The following MTPN variants were observed in gnomAD, a reference collection of about 807,000 sequenced individuals.
MTPN encodes the protein granule cell differentiation protein.
A neutral mutation model predicts 13.5 loss-of-function variants in MTPN; 2 were observed. The ratio of observed to expected loss-of-function variants is 0.15; its 90% CI spans 0.06 to 0.47. The LOEUF is 0.47. MTPN is among the 20% of genes least tolerant of loss of function. The pLI is 0.97. For synonymous variants in MTPN, 46 were observed against 51.7 expected, an observed-to-expected ratio of 0.89 and a Z score of 0.48; for missense variants, 79 against 137.9, an observed-to-expected ratio of 0.57 and a Z score of 2.14.
intron 3 of MTPN, among the ~76,000 whole-genome samples, chr7:135,948,538 C>T (rs1799317725): frequency 1.3e-5 from 2 of 152,108 alleles, no homozygotes; most frequent in South Asian, 4.1e-4. Flanking sequence ...AGAGAACCTT[C>T]TGGGATGACA....
intron 3 of MTPN, among the ~76,000 whole-genome samples, chr7:135,930,881 C>A (rs1349304337): frequency 6.6e-6 from 1 of 152,114 alleles, no homozygotes; most frequent in Non-Finnish European, 1.5e-5. Context: ...TTATTCACCA[C>A]ACATTCTCTA....
At chr7:135,957,427 T>C (rs942723293) in intron 1 of MTPN, among the ~76,000 whole-genome samples, 1 of 152,118 alleles carries the variant, frequency 6.6e-6, no homozygotes. Flanking sequence ...TAAGATTACA[T>C]TCTGGCAACC....
At chr7:135,940,891 A>T (rs1175795331) in intron 3 of MTPN, among the ~76,000 whole-genome samples, 2 of 152,210 alleles carry the variant, frequency 1.3e-5, no homozygotes, top group Non-Finnish European at 2.9e-5. Context: ...CCATTCTGTG[A>T]ATCTTTACTG....
At chr7:135,966,547 C>CAA (rs34046629) in intron 1 of MTPN, among the ~76,000 whole-genome samples, 5 of 146,880 alleles carry the variant, frequency 3.4e-5, no homozygotes, top group South Asian at 2.1e-4. Context: ...ATCACAACGT[C>CAA]AAAAAAAAAA....
chr7:135,927,322 C>T lies in MTPN; in HGVS notation c.*2604G>A, dbSNP rs1798935568. 2 of 1,550,778 alleles carry T rather than the reference C, an allele frequency of 1.3e-6. No individual in the cohort carries two copies. Among genetic ancestry groups the T allele is most frequent in the Non-Finnish European group, 8.7e-7 (1 of 1,146,672 alleles). On this transcript the variant is annotated 3_prime_UTR_variant, in exon 4 of 4. Transcript: ENST00000393085. ...AAGAACTACTTGGGATATTCAAGTG[C>T]TGTATTTGAACGATAAGCCTATAGA...
chr7:135,954,503 C>T (rs962160137), intron 1 of MTPN, among the ~76,000 whole-genome samples: 23 of 152,042 alleles, frequency 1.5e-4, no homozygotes, highest in Non-Finnish European at 5.9e-5. Flanking sequence ...ATTAGTTTGC[C>T]CCCCATTATT....
chr7:135,957,163 A>G (rs1799453893), intron 1 of MTPN, among the ~76,000 whole-genome samples: 1 of 152,236 alleles, frequency 6.6e-6, no homozygotes. Flanking sequence ...GGTATATTCC[A>G]TATATGTAAT....
chr7:135,933,092 C>A, intron 3 of MTPN, among the ~76,000 whole-genome samples: 2 of 106,294 alleles, frequency 1.9e-5, no homozygotes, highest in Non-Finnish European at 1.7e-5. Flanking sequence ...AAGACTCACT[C>A]AGCCTCAAAA....
Position 135,926,832 on chromosome 7 carries a change from G to A in MTPN, c.*3094C>T, listed in dbSNP as rs898688390. 1.3e-5 allele frequency: 2 copies of A among 152,668 alleles called. No individual in the cohort carries two copies. Among genetic ancestry groups the A allele is most frequent in the African/African-American group, 2.4e-5 (1 of 41,386 alleles). The allele number at this position is 152,668 out of a possible 1,614,324, so 9.5% of individuals were successfully genotyped here. On this transcript the variant is annotated 3_prime_UTR_variant, in exon 4 of 4. Coordinates refer to ENST00000393085, the MANE Select transcript of MTPN (RefSeq NM_145808.4). ...TAAAACACAGTATTATTTAGCATTC[G>A]GATGTACATGAACTAGGATACTTAT...
chr7:135,971,747 CT>C (rs1200904364), intron 1 of MTPN, among the ~76,000 whole-genome samples: 6 of 152,108 alleles, frequency 3.9e-5, no homozygotes, highest in Admixed American at 3.9e-4. Context: ...AATAAACATA[CT>C]TTTTTCAAAA....
At chr7:135,933,256 A>ATAAC (rs1365449704) in intron 3 of MTPN, among the ~76,000 whole-genome samples, 3 of 152,138 alleles carry the variant, frequency 2.0e-5, no homozygotes, top group African/African-American at 7.2e-5. Flanking sequence ...TATTTGAGCT[A>ATAAC]TAACTTTAGA....
rs1438776478 is a variant in MTPN at position 135,930,026 on chromosome 7, G to A, written c.271-14C>T. ...CTTATCAGCACCCTGGAAAAGAGAGGAAAGGGCTCATTAAATGAGCCCACA... is the reference window on the plus strand; with the variant it reads ...CTTATCAGCACCCTGGAAAAGAGAGAAAAGGGCTCATTAAATGAGCCCACA... On this transcript the variant is annotated splice_polypyrimidine_tract_variant and intron_variant, in intron 3 of 3. Transcript: ENST00000393085. 2 of 1,501,656 alleles carry A rather than the reference G, an allele frequency of 1.3e-6. No individual in the cohort carries two copies. Among genetic ancestry groups the A allele is most frequent in the Non-Finnish European group, 1.8e-6 (2 of 1,104,040 alleles). The allele number at this position is 1,501,656 out of a possible 1,614,324, so 93.0% of individuals were successfully genotyped here.
intron 1 of MTPN, among the ~76,000 whole-genome samples, chr7:135,976,727 C>A (rs1358222807): frequency 6.6e-6 from 1 of 151,996 alleles, no homozygotes. Flanking sequence ...ATGATCAGTG[C>A]GCAGAAGAAA....
At chr7:135,958,965 T>C (rs1799483840) in intron 1 of MTPN, among the ~76,000 whole-genome samples, 1 of 152,172 alleles carries the variant, frequency 6.6e-6, no homozygotes, top group African/African-American at 2.4e-5. Context: ...GATCCCCTGA[T>C]AAGTGTTATA....
chr7:135,976,946 CGCAGTCCAGCT>C, intron 1 of MTPN, 72 bp downstream of exon 1: 2 of 994,302 alleles, frequency 2.0e-6, no homozygotes, highest in Non-Finnish European at 3.2e-6. Flanking sequence ...CCCCCATCCC[CGCAGTCCAGCT>C]CCCATCAGCT....
intron 1 of MTPN, among the ~76,000 whole-genome samples, chr7:135,975,584 C>T (rs560853003): frequency 6.6e-6 from 1 of 152,136 alleles, no homozygotes; most frequent in Non-Finnish European, 1.5e-5. Flanking sequence ...AGTACTTAAT[C>T]AACTTTTTGT....
intron 3 of MTPN, among the ~76,000 whole-genome samples, chr7:135,949,999 C>T (rs760464117): frequency 1.3e-5 from 2 of 152,112 alleles, no homozygotes; most frequent in South Asian, 2.1e-4. Flanking sequence ...TCTGTAGGAT[C>T]CATCTAATAC....
chr7:135,930,280 G>A (rs748174503), intron 3 of MTPN, among the ~76,000 whole-genome samples: 6 of 152,192 alleles, frequency 3.9e-5, no homozygotes, highest in African/African-American at 7.2e-5. Flanking sequence ...TGATTAGGAA[G>A]AGCACGTTGA....
chr7:135,946,718 G>C (rs1308849514), intron 3 of MTPN, among the ~76,000 whole-genome samples: 1 of 152,084 alleles, frequency 6.6e-6, no homozygotes, highest in Non-Finnish European at 1.5e-5. Flanking sequence ...AGATTTTTTA[G>C]GGCAAATAAA....
Sources: allele counts gnomAD v4.1 joint callset (sites outside exome capture counted in the v4.1 genomes callset), GRCh38; gene constraint gnomAD v4.1.1; transcripts MANE v1.5; gene names NCBI Gene and HGNC (gene_info 2026-07-23, HGNC 2026-07-21).